Variants in PARD3 observed in about 807,000 individuals in gnomAD.
PARD3 encodes the protein par-3 family cell polarity regulator.
Under a neutral mutation model 155.4 loss-of-function variants are expected in PARD3, and 75 were observed. The observed-to-expected ratio is 0.48, with a 90% CI of 0.40 to 0.58. PARD3 has a LOEUF of 0.58. PARD3 is among the 20% of genes least tolerant of loss of function. The pLI, the probability that PARD3 is intolerant of heterozygous loss-of-function variation, is 0.00. For synonymous variants in PARD3, 576 were observed against 610.5 expected, an observed-to-expected ratio of 0.94 and a Z score of 0.83; for missense variants, 1,642 against 1,721.7, an observed-to-expected ratio of 0.95 and a Z score of 0.82.
chr10:34,630,443 CTTTTTTTT>C (rs755155387), intron 2 of PARD3, among the ~76,000 whole-genome samples: 19 of 139,310 alleles, frequency 1.4e-4, no homozygotes, highest in Middle Eastern at 3.7e-3. Context: ...CCCTCTCTCT[CTTTTTTTT>C]TTTTTTTTTC....
rs199709138 is a variant in PARD3 at position 34,729,651 on chromosome 10, A to G, written c.121-33232T>C. ...TCTATAAATAGTAGAACTTGATTTA[A>G]TATAGAAGGGTCTCCTACAGTAAAT... is the stretch of plus-strand genomic sequence containing the variant. On this transcript the variant is annotated intron_variant, in intron 1 of 24. Coordinates refer to ENST00000374788, the MANE Select transcript of PARD3 (RefSeq NM_001184785.2). Among the ~76,000 whole-genome samples, 5 of 152,216 alleles carry G rather than the reference A, an allele frequency of 3.3e-5. No individual in the cohort carries two copies. The East Asian group carries it at 9.6e-4, about 29-fold the overall frequency.
chr10:34,443,946 G>A (rs1476783406), intron 5 of PARD3, among the ~76,000 whole-genome samples: 2 of 152,116 alleles, frequency 1.3e-5, no homozygotes, highest in Non-Finnish European at 2.9e-5. Flanking sequence ...AGCTGCCAAA[G>A]GTATGAAAAT....
chr10:34,571,603 T>TA (rs1353649930), intron 2 of PARD3, among the ~76,000 whole-genome samples: 1 of 152,132 alleles, frequency 6.6e-6, no homozygotes, highest in Non-Finnish European at 1.5e-5. Context: ...ATTCTAAATG[T>TA]AAAAAATCTT....
At chr10:34,541,685 C>T (rs751664248) in intron 2 of PARD3, among the ~76,000 whole-genome samples, 2 of 152,190 alleles carry the variant, frequency 1.3e-5, no homozygotes, top group Non-Finnish European at 2.9e-5. Context: ...TCCACAAATG[C>T]AGTGTCCACA....
chr10:34,458,116 C>T (rs2077431653), intron 4 of PARD3, among the ~76,000 whole-genome samples: 1 of 152,172 alleles, frequency 6.6e-6, no homozygotes, highest in Non-Finnish European at 1.5e-5. Context: ...AAATACTATA[C>T]AGTGTTACGA....
At chr10:34,377,543 T>C (rs987110156) in intron 10 of PARD3, among the ~76,000 whole-genome samples, 14 of 152,134 alleles carry the variant, frequency 9.2e-5, no homozygotes, top group African/African-American at 3.4e-4. Flanking sequence ...TAAGCTGAGA[T>C]TGTGCCACTG....
At chr10:34,719,156 G>A (rs1290800862) in intron 1 of PARD3, among the ~76,000 whole-genome samples, 1 of 152,060 alleles carries the variant, frequency 6.6e-6, no homozygotes, top group East Asian at 1.9e-4. Context: ...CTAGGGCAGA[G>A]CCCTTTTTAG....
intron 2 of PARD3, among the ~76,000 whole-genome samples, chr10:34,520,381 C>A (rs1395161903): frequency 2.6e-5 from 4 of 151,998 alleles, no homozygotes; most frequent in Admixed American, 6.6e-5. Flanking sequence ...AATAATTGGG[C>A]CACTCAACCT....
At chr10:34,655,219 T>C (rs976097327) in intron 2 of PARD3, among the ~76,000 whole-genome samples, 1 of 151,982 alleles carries the variant, frequency 6.6e-6, no homozygotes, top group Admixed American at 6.6e-5. Flanking sequence ...TAACACCCTA[T>C]CAAATCATTA....
intron 2 of PARD3, among the ~76,000 whole-genome samples, chr10:34,573,596 A>C (rs2086611549): frequency 6.6e-6 from 1 of 152,096 alleles, no homozygotes; most frequent in Admixed American, 6.6e-5. Flanking sequence ...AGTACCAACT[A>C]CTAAGGAGGC....
chr10:34,357,144 GTTTAC>G (rs1488259719), intron 14 of PARD3, among the ~76,000 whole-genome samples: 2 of 152,106 alleles, frequency 1.3e-5, no homozygotes, highest in East Asian at 3.9e-4. Context: ...GCAGGTACAG[GTTTAC>G]TTTGTCACTA....
chr10:34,413,180 C>CACACACACACACACACACAT (rs775445941), intron 5 of PARD3, among the ~76,000 whole-genome samples: 87 of 145,232 alleles, frequency 6.0e-4, no homozygotes, highest in African/African-American at 2.1e-3. Context: ...CACACACACA[C>CACACACACACACACACACAT]ATATATATAA....
intron 2 of PARD3, among the ~76,000 whole-genome samples, chr10:34,649,069 T>C (rs1036415169): frequency 2.6e-5 from 4 of 152,182 alleles, no homozygotes; most frequent in African/African-American, 9.7e-5. Flanking sequence ...AGCTGACAGA[T>C]GACTGTACAA....
At chr10:34,276,488 G>C (rs1955886148) in intron 21 of PARD3, among the ~76,000 whole-genome samples, 1 of 152,130 alleles carries the variant, frequency 6.6e-6, no homozygotes, top group African/African-American at 2.4e-5. Context: ...GCTCGATGAA[G>C]ATAAAACACA....
At chr10:34,501,214 G>C (rs572674469) in intron 3 of PARD3, among the ~76,000 whole-genome samples, 1 of 152,272 alleles carries the variant, frequency 6.6e-6, no homozygotes, top group Admixed American at 6.5e-5. Flanking sequence ...GGCCTGGTGG[G>C]AGGTGTCTGA....
At chr10:34,399,544 C>T (rs1478945134) in intron 6 of PARD3, 131 bp from the exon 7 acceptor site, 1 of 665,524 alleles carries the variant, frequency 1.5e-6, no homozygotes, top group African/African-American at 1.8e-5. Flanking sequence ...AACAAAAATC[C>T]CACCAAGTGC....
chr10:34,463,643 T>A (rs1589668964), intron 4 of PARD3, among the ~76,000 whole-genome samples: 1 of 152,110 alleles, frequency 6.6e-6, no homozygotes, highest in African/African-American at 2.4e-5. Context: ...CAAACCCAAA[T>A]ACAGCAAATG....
intron 22 of PARD3, among the ~76,000 whole-genome samples, chr10:34,240,559 C>T (rs1157982311): frequency 6.6e-6 from 1 of 152,142 alleles, no homozygotes; most frequent in Non-Finnish European, 1.5e-5. Context: ...TTCTGAATAG[C>T]AAAATCTTTG....
intron 1 of PARD3, among the ~76,000 whole-genome samples, chr10:34,750,686 TAAC>T (rs1564578741): frequency 6.9e-6 from 1 of 144,876 alleles, no homozygotes. Flanking sequence ...GGTAATGACA[TAAC>T]AATTTTTTTT....
Sources: gnomAD v4.1 joint callset for allele counts (sites outside exome capture counted in the v4.1 genomes callset) on GRCh38, gnomAD v4.1.1 for gene constraint, MANE v1.5 for transcripts, NCBI Gene and HGNC (gene_info 2026-07-23, HGNC 2026-07-21) for gene names.